The following MGAM2 variants were observed in gnomAD, a reference collection of about 807,000 sequenced individuals.
MGAM2 encodes maltase-glucoamylase 2 (putative).
Under a neutral mutation model 96.1 loss-of-function variants are expected in MGAM2, and 98 were observed. The ratio of observed to expected loss-of-function variants is 1.02; its 90% CI spans 0.87 to 1.21. The LOEUF (loss-of-function observed/expected upper bound fraction) is 1.21, where lower values mean the gene tolerates loss of function less well. Among genes scored for constraint, MGAM2 ranks in the 50% most tolerant of loss-of-function variants. MGAM2 has a pLI of 0.00. For missense variants in MGAM2, 2,055 were observed against 1,182.4 expected (o/e 1.74, Z -10.82); for synonymous variants, 749 against 414.8 (o/e 1.81, Z -9.79).
rs78789315 is a variant in MGAM2, at chr7:142,171,761, C to G, written c.3351+321C>G. Among the ~76,000 whole-genome samples, 1,041 of 150,352 alleles carry G rather than the reference C, an allele frequency of 6.9e-3. 11 individuals carry two copies. The highest frequency in any genetic ancestry group is 0.024 in the African/African-American group (993 of 41,030). On this transcript the variant is annotated intron_variant, in intron 28 of 47. Transcript: ENST00000477922. ...TATATTCTACTTGTCAGGCACATTGCTAAGTGCTTATCTGTACATTTAATA... is the reference window on the plus strand; with the variant it reads ...TATATTCTACTTGTCAGGCACATTGGTAAGTGCTTATCTGTACATTTAATA...
At chr7:142,134,831 T>C (rs149839097) in intron 7 of MGAM2, among the ~76,000 whole-genome samples, 1 of 148,796 alleles carries the variant, frequency 6.7e-6, no homozygotes, top group East Asian at 2.0e-4. Context: ...ACAATTAAAA[T>C]ATATTACTGA....
chr7:142,180,625 A>G (rs1441936889), intron 32 of MGAM2, among the ~76,000 whole-genome samples: 1 of 152,186 alleles, frequency 6.6e-6, no homozygotes, highest in Non-Finnish European at 1.5e-5. Flanking sequence ...ATCTTCAAAT[A>G]TGCTTTCCAA....
chr7:142,177,343 C>T (rs1009063410), intron 32 of MGAM2, among the ~76,000 whole-genome samples: 3 of 152,116 alleles, frequency 2.0e-5, no homozygotes, highest in African/African-American at 4.8e-5. Context: ...GAAAGACCTG[C>T]CCCCGTGATT....
chr7:142,162,715 TA>T (rs910513463), intron 23 of MGAM2, among the ~76,000 whole-genome samples: 3 of 151,520 alleles, frequency 2.0e-5, no homozygotes, highest in African/African-American at 7.3e-5. Flanking sequence ...ATATATATCT[TA>T]AAGTAACTCT....
Position 142,221,561 on chromosome 7 carries a change from T to G in MGAM2, c.7050T>G (p.Ser2350Arg), listed in dbSNP as rs771606512. 2.5e-4 allele frequency: 135 copies of G among 536,666 alleles called. No homozygotes were observed. The highest frequency in any genetic ancestry group is 3.5e-4 in the Non-Finnish European group (106 of 307,110). 33.2% of individuals were successfully genotyped at this position (536,666 alleles called of 1,614,324 possible). The change falls in exon 48 of 48, where the codon AGT becomes AGG. Residue 2350 changes from serine (S) to arginine (R), a missense_variant. Transcript: ENST00000477922. ...TTTTCAACACTCTTGATACAAAAAG[T>G]ACCATGGTAATAGATGCTACGGTCA... ...TIIFNTLDTK[S>R]TMVIDATVTT...
At chr7:142,212,738 G>A (rs1797625949) in intron 46 of MGAM2, among the ~76,000 whole-genome samples, 1 of 152,108 alleles carries the variant, frequency 6.6e-6, no homozygotes, top group African/African-American at 2.4e-5. Flanking sequence ...ATAATAGTGG[G>A]AGATTTTAAC....
At chr7:142,167,517 A>C in intron 26 of MGAM2, 31 bp downstream of exon 26, 2 of 702,722 alleles carry the variant, frequency 2.8e-6, no homozygotes, top group South Asian at 1.5e-5. Context: ...TCTGGTTCTC[A>C]AGATGGAGTT....
At chr7:142,153,867 TTAGA>T (rs1795655631) in intron 15 of MGAM2, among the ~76,000 whole-genome samples, 147 bp from the exon 16 acceptor site, 1 of 152,190 alleles carries the variant, frequency 6.6e-6, no homozygotes, top group African/African-American at 2.4e-5. Context: ...AAAGAAGCTC[TTAGA>T]TAGTACTAAG....
chr7:142,182,147 C>A (rs1796563980), intron 32 of MGAM2, among the ~76,000 whole-genome samples: 1 of 152,162 alleles, frequency 6.6e-6, no homozygotes, highest in Non-Finnish European at 1.5e-5. Context: ...CCTACTCAAG[C>A]CTCAGCCGCA....
intron 10 of MGAM2, among the ~76,000 whole-genome samples, chr7:142,140,351 G>A (rs1423560541): frequency 6.6e-6 from 1 of 152,140 alleles, no homozygotes; most frequent in African/African-American, 2.4e-5. Flanking sequence ...TCATTGATCT[G>A]TGTTAATCAT....
At chr7:142,153,441 T>G (rs539733766) in intron 15 of MGAM2, among the ~76,000 whole-genome samples, 1 of 152,370 alleles carries the variant, frequency 6.6e-6, no homozygotes, top group African/African-American at 2.4e-5. Context: ...TTTCAATGAC[T>G]CTTATTTTGC....
intron 3 of MGAM2, among the ~76,000 whole-genome samples, chr7:142,126,137 T>G (rs1585143482): frequency 1.3e-5 from 2 of 152,116 alleles, no homozygotes; most frequent in South Asian, 4.1e-4. Flanking sequence ...GATTACCATA[T>G]GATTTTCTTT....
At chr7:142,136,677 A>G (rs747865246) in intron 8 of MGAM2, 37 bp downstream of exon 8, 55 of 665,060 alleles carry the variant, frequency 8.3e-5, no homozygotes, top group South Asian at 8.2e-4. Context: ...AGGTAGGAAT[A>G]CGTTTTAGGA....
intron 4 of MGAM2, 132 bp downstream of exon 4, chr7:142,131,203 G>A (rs924904338): frequency 3.9e-5 from 24 of 621,882 alleles, no homozygotes; most frequent in Admixed American, 7.5e-5. Context: ...ACTTCGAGAG[G>A]CTGACGTGGG....
At chr7:142,115,276 C>T (rs549643207) in intron 1 of MGAM2, among the ~76,000 whole-genome samples, 3 of 152,312 alleles carry the variant, frequency 2.0e-5, no homozygotes, top group East Asian at 1.9e-4. Context: ...GACCATCAGT[C>T]GGCTTGCAGG....
At chr7:142,119,812 C>A (rs926629847) in intron 2 of MGAM2, among the ~76,000 whole-genome samples, 6 of 152,170 alleles carry the variant, frequency 3.9e-5, no homozygotes. Flanking sequence ...AAAGGCCACA[C>A]ATTTTATGAT....
At chr7:142,119,181 A>T (rs1374295254) in intron 2 of MGAM2, among the ~76,000 whole-genome samples, 2 of 152,196 alleles carry the variant, frequency 1.3e-5, no homozygotes, top group Non-Finnish European at 2.9e-5. Context: ...TTGGAATATA[A>T]GAGAATATAT....
At chr7:142,144,259 A>G (rs1223052688) in intron 13 of MGAM2, among the ~76,000 whole-genome samples, 1 of 152,232 alleles carries the variant, frequency 6.6e-6, no homozygotes, top group Non-Finnish European at 1.5e-5. Context: ...TCGTATTTTT[A>G]TGGAAGAACA....
intron 45 of MGAM2, among the ~76,000 whole-genome samples, chr7:142,204,210 A>G (rs1797328489): frequency 6.6e-6 from 1 of 151,958 alleles, no homozygotes; most frequent in Non-Finnish European, 1.5e-5. Context: ...ATTTTGTTAA[A>G]TATGTCCTAA....
Sources: gnomAD v4.1 joint callset for allele counts (sites outside exome capture counted in the v4.1 genomes callset) on GRCh38, gnomAD v4.1.1 for gene constraint, MANE v1.5 for transcripts, NCBI Gene and HGNC (gene_info 2026-07-23, HGNC 2026-07-21) for gene names.